The following SLC35G1 variants were observed in gnomAD, a reference collection of about 807,000 sequenced individuals.
SLC35G1 encodes partner of STIM1.
A neutral mutation model predicts 17.1 loss-of-function variants in SLC35G1; 10 were observed. The observed-to-expected ratio is 0.59, with a 90% confidence interval of 0.36 to 0.99. The LOEUF is 0.99. SLC35G1 is among the 50% of genes least tolerant of loss of function. The pLI is 0.01. For missense variants in SLC35G1, 433 were observed against 468.4 expected (o/e 0.92, Z 0.70); for synonymous variants, 185 against 181.1 (o/e 1.02, Z -0.18).
Position 93,901,381 on chromosome 10 carries a change from T to C in SLC35G1, c.989T>C (p.Ile330Thr), listed in dbSNP as rs532244494. The stretch of plus-strand genomic sequence containing the variant: ...GTGGTCTTTGCTTTTATCTTTCAGA[T>C]TATTTTCTTTAATAATGTGCCAACG... Reference protein sequence around the residue: ...MDVVFAFIFQIIFFNNVPTWW... With the variant: ...MDVVFAFIFQTIFFNNVPTWW... The change falls in exon 3 of 3, where the codon ATT (isoleucine) becomes ACT (threonine). Residue 330 changes from isoleucine to threonine, a missense_variant. By Grantham distance (89) the Ile-to-Thr change is moderately conservative (BLOSUM62 -1). Transcript: ENST00000427197. 2 of 1,614,132 alleles carry C rather than the reference T, an allele frequency of 1.2e-6. No homozygotes were observed. The highest frequency in any genetic ancestry group is 4.5e-5 in the East Asian group (2 of 44,886).
In SLC35G1 at chr10:93,901,908, T is replaced by A. The variant is rs912500766; in HGVS notation, c.*418T>A. 6.4e-6 allele frequency: 1 copy of A among 156,548 alleles called. No individual in the cohort carries two copies. Among genetic ancestry groups the A allele is most frequent in the Non-Finnish European group, 1.4e-5 (1 of 70,922 alleles). The allele number at this position is 156,548 out of a possible 1,614,324, so 9.7% of individuals were successfully genotyped here. ...AACTTGGTTCTACTACCATGATCTT[T>A]ATAAACTATGCCTTCCAGACAATTG... On this transcript the variant is annotated 3_prime_UTR_variant, in exon 3 of 3. Transcript: ENST00000427197.
rs911843201 is a variant in SLC35G1, at chr10:93,902,335, G to A, written c.*845G>A. On this transcript the variant is annotated 3_prime_UTR_variant, in exon 3 of 3. Coordinates refer to ENST00000427197, the MANE Select transcript of SLC35G1 (RefSeq NM_001134658.3). ...AAATCTTGGCATGACCAGTGTGCAC[G>A]TTTCCATCCTGAAGTGTTTTCTCTT... 11 of 152,562 alleles carry A rather than the reference G, an allele frequency of 7.2e-5. No homozygotes were observed. The highest frequency in any genetic ancestry group is 1.3e-4 in the Admixed American group (2 of 15,288). The allele number at this position is 152,562 out of a possible 1,614,324, so 9.5% of individuals were successfully genotyped here. A position where few individuals can be genotyped will look rare whatever the true frequency, so the allele number is the denominator to read the frequency against.
chr10:93,908,343 T>A (rs2060440225), downstream of SLC35G1: 1 of 152,188 alleles, frequency 6.6e-6, no homozygotes, highest in East Asian at 1.9e-4. Context: ...CCTGCTAAAT[T>A]CTAGTCCCCT....
Position 93,897,964 on chromosome 10 carries a change from G to A in SLC35G1, c.179-607G>A, listed in dbSNP as rs76636724. The stretch of plus-strand genomic sequence containing the variant: ...AACCTTCCCAGATTATGCTGTTGCC[G>A]ATAGTGTTAGACTCTTGAGTCTTTC... On this transcript the variant is annotated intron_variant, in intron 1 of 2. Transcript: ENST00000427197. Among the ~76,000 whole-genome samples, 1,399 of 152,310 alleles carry A rather than the reference G, an allele frequency of 9.2e-3. 21 individuals are homozygous for A. Among genetic ancestry groups the A allele is most frequent in the African/African-American group, 0.031 (1,277 of 41,568 alleles).
At chr10:93,906,174 G>T (rs918134851), downstream of SLC35G1, 7 of 152,176 alleles carry the variant, frequency 4.6e-5, no homozygotes, top group Admixed American at 2.0e-4. Flanking sequence ...AATAATATTA[G>T]AATTGAATTC....
In SLC35G1 at chr10:93,898,437, C is replaced by T. The variant is rs1009934093; in HGVS notation, c.179-134C>T. 49 of 743,484 alleles carry T rather than the reference C, an allele frequency of 6.6e-5. No individual in the cohort carries two copies. The African/African-American group carries it at 8.2e-4, about 12-fold the overall frequency. The allele number at this position is 743,484 out of a possible 1,614,324, so 46.1% of individuals were successfully genotyped here. On this transcript the variant is annotated intron_variant, in intron 1 of 2. Transcript: ENST00000427197. ...ATTGATGGGGAAAATGGTACAGGCC[C>T]AGAGAAATGATATGCTTAGGAGGTA...
At chr10:93,900,118 T>A (rs2060369020) in intron 2 of SLC35G1, among the ~76,000 whole-genome samples, 1 of 152,226 alleles carries the variant, frequency 6.6e-6, no homozygotes, top group Non-Finnish European at 1.5e-5. Flanking sequence ...GCAGTAATCA[T>A]ACTTTTCCAA....
downstream of SLC35G1, chr10:93,903,919 C>T (rs2060413555): frequency 6.7e-6 from 1 of 149,202 alleles, no homozygotes; most frequent in Non-Finnish European, 1.5e-5. Context: ...TGACCTCTAG[C>T]CATTCAGCTG....
intron 1 of SLC35G1, among the ~76,000 whole-genome samples, chr10:93,897,398 G>A (rs1240760743): frequency 6.6e-6 from 1 of 152,152 alleles, no homozygotes; most frequent in African/African-American, 2.4e-5. Flanking sequence ...ACATTATAAA[G>A]TCCTAGATTG....
chr10:93,897,670 A>G (rs777865383), intron 1 of SLC35G1, among the ~76,000 whole-genome samples: 6 of 152,254 alleles, frequency 3.9e-5, no homozygotes, highest in Non-Finnish European at 8.8e-5. Context: ...ACTAAGACAT[A>G]GTAAGTGGCT....
chr10:93,903,827 T>G (rs976908135), downstream of SLC35G1: 1 of 152,226 alleles, frequency 6.6e-6, no homozygotes, highest in African/African-American at 2.4e-5. Context: ...GAAAGCTATA[T>G]GTTGGTTGTT....
chr10:93,898,959 A>C (rs952295552), intron 2 of SLC35G1, among the ~76,000 whole-genome samples: 20 of 152,336 alleles, frequency 1.3e-4, no homozygotes, highest in Admixed American at 3.9e-4. Flanking sequence ...AGTGGGGAGA[A>C]AGAAATTTTG....
exon 3 of SLC35G1, chr10:93,909,215 G>A (rs924229541): frequency 5.9e-5 from 9 of 152,186 alleles, no homozygotes; most frequent in Admixed American, 5.9e-4. Flanking sequence ...TATTGATGAG[G>A]TTATAGAGCT....
rs1244384826 is a variant in SLC35G1, at chr10:93,903,454, C to G, written c.*1964C>G. 1 of 152,188 alleles carries G rather than the reference C, an allele frequency of 6.6e-6. No individual in the cohort carries two copies. Among genetic ancestry groups the G allele is most frequent in the African/African-American group, 2.4e-5 (1 of 41,446 alleles). The allele number at this position is 152,188 out of a possible 1,614,324, so 9.4% of individuals were successfully genotyped here. ...ATAAAGTATGGACAGTAAACCACTA[C>G]TTGAGCTACCTAAGGTGAATTAACT... On this transcript the variant is annotated 3_prime_UTR_variant, in exon 3 of 3. Transcript: ENST00000427197.
At chr10:93,904,525 CCT>C (rs1160367501), downstream of SLC35G1, among the ~76,000 whole-genome samples, 3 of 152,216 alleles carry the variant, frequency 2.0e-5, no homozygotes, top group Non-Finnish European at 2.9e-5. Flanking sequence ...GCATTTCCCC[CCT>C]GTCCTTACCT....
chr10:93,899,566 G>C (rs768204422), intron 2 of SLC35G1, among the ~76,000 whole-genome samples: 2 of 152,050 alleles, frequency 1.3e-5, no homozygotes, highest in Non-Finnish European at 2.9e-5. Context: ...GGGCAAAAAA[G>C]GCTACACCCC....
In SLC35G1 at chr10:93,901,807, A is replaced by G; in HGVS notation, c.*317A>G. ...CTAGTAATATTTATGTAATTTTTAA[A>G]ATGTATTTTTGGTACTGATGGGATA... is the stretch of plus-strand genomic sequence containing the variant. On this transcript the variant is annotated 3_prime_UTR_variant, in exon 3 of 3. Coordinates refer to ENST00000427197, the MANE Select transcript of SLC35G1 (RefSeq NM_001134658.3). 4.6e-6 allele frequency: 1 copy of G among 216,630 alleles called. No homozygotes were observed. Among genetic ancestry groups the G allele is most frequent in the Admixed American group, 5.4e-5 (1 of 18,428 alleles). The allele number at this position is 216,630 out of a possible 1,614,324, so 13.4% of individuals were successfully genotyped here.
At position 93,902,891 on chromosome 10, in the gene SLC35G1, T is replaced by C. The variant is rs2060402919; in HGVS notation, c.*1401T>C. On this transcript the variant is annotated 3_prime_UTR_variant, in exon 3 of 3. Coordinates refer to ENST00000427197, the MANE Select transcript of SLC35G1 (RefSeq NM_001134658.3). ...TAATATCTAGAAAAGCTTGGGAGGTTAGTCAGGACTTAGGGAGTATACATA... is the reference window on the plus strand; with the variant it reads ...TAATATCTAGAAAAGCTTGGGAGGTCAGTCAGGACTTAGGGAGTATACATA... 1 of 152,594 alleles carries C rather than the reference T, an allele frequency of 6.6e-6. No homozygotes were observed. The highest frequency in any genetic ancestry group is 2.1e-4 in the South Asian group (1 of 4,834). The allele number at this position is 152,594 out of a possible 1,614,324, so 9.5% of individuals were successfully genotyped here.
rs2060385727 is a variant in SLC35G1, at chr10:93,901,613, G to C, written c.*123G>C. 2.6e-6 allele frequency: 3 copies of C among 1,153,532 alleles called. No homozygotes were observed. Among genetic ancestry groups the C allele is most frequent in the Admixed American group, 3.4e-5 (1 of 29,462 alleles). 71.5% of individuals were successfully genotyped at this position (1,153,532 alleles called of 1,614,324 possible). A position where few individuals can be genotyped will look rare whatever the true frequency, so the allele number is the denominator to read the frequency against. On this transcript the variant is annotated 3_prime_UTR_variant, in exon 3 of 3. Coordinates refer to ENST00000427197, the MANE Select transcript of SLC35G1 (RefSeq NM_001134658.3). Reference sequence around the variant, plus strand: ...GGTTGTATTTAATAAATTGCCTAAAGTACCATTTTTGAATATAGTATGTCT... The same window carrying C: ...GGTTGTATTTAATAAATTGCCTAAACTACCATTTTTGAATATAGTATGTCT...
Sources: gnomAD v4.1 joint callset for allele counts (sites outside exome capture counted in the v4.1 genomes callset) on GRCh38, gnomAD v4.1.1 for gene constraint, MANE v1.5 for transcripts, NCBI Gene and HGNC (gene_info 2026-07-23, HGNC 2026-07-21) for gene names.